Variants in SLC26A8 observed in about 807,000 individuals in gnomAD.
SLC26A8 encodes the protein testis anion transporter 1.
Under a neutral mutation model 105.0 loss-of-function variants are expected in SLC26A8, and 70 were observed. The observed-to-expected ratio is 0.67, with a 90% confidence interval of 0.55 to 0.81. The LOEUF (loss-of-function observed/expected upper bound fraction) is 0.81, where lower values mean the gene tolerates loss of function less well. Among genes scored for constraint, SLC26A8 ranks in the 40% least tolerant of loss-of-function variants. The pLI, the probability that SLC26A8 is intolerant of heterozygous loss-of-function variation, is 0.00. For synonymous variants in SLC26A8, 415 were observed against 438.3 expected (o/e 0.95, Z 0.66); for missense variants, 998 against 1,181.8 (o/e 0.84, Z 2.28).
At position 36,022,627 on chromosome 6, in the gene SLC26A8, C is replaced by T. The variant is rs148485645; in HGVS notation, c.-3+1877G>A. Among the ~76,000 whole-genome samples the T allele has an allele frequency of 6.8e-4, 103 of 152,202 alleles. 1 individual carries two copies. In the East Asian group the frequency reaches 0.016, roughly 24 times the overall value. On this transcript the variant is annotated intron_variant, in intron 1 of 19. Transcript: ENST00000490799. Reference sequence around the variant, plus strand: ...GATGTTATCAAGTCATAAACTCCTACGACCACAGTGAGGATGGCTAGGAGG... The same window carrying T: ...GATGTTATCAAGTCATAAACTCCTATGACCACAGTGAGGATGGCTAGGAGG...
chr6:35,985,302 G>C (rs1443018106), intron 7 of SLC26A8, among the ~76,000 whole-genome samples: 4 of 152,066 alleles, frequency 2.6e-5, no homozygotes, highest in African/African-American at 7.2e-5. Context: ...CCTTAACCTT[G>C]GCAAAATAAA....
At chr6:35,996,600 G>T (rs948515874) in intron 5 of SLC26A8, among the ~76,000 whole-genome samples, 2 of 152,088 alleles carry the variant, frequency 1.3e-5, no homozygotes, top group African/African-American at 4.8e-5. Flanking sequence ...AGGCTGGAGT[G>T]CAGTGGCATG....
chr6:35,957,785 T>C (rs533767899), intron 16 of SLC26A8, among the ~76,000 whole-genome samples: 1 of 152,226 alleles, frequency 6.6e-6, no homozygotes, highest in Non-Finnish European at 1.5e-5. Context: ...TTTGTATTTT[T>C]AGTAGAGACA....
At chr6:35,968,798 AC>A (rs1213535341) in intron 11 of SLC26A8, 78 bp downstream of exon 11, 115 of 38,204 alleles carry the variant, frequency 3.0e-3, no homozygotes, top group Middle Eastern at 0.012. Flanking sequence ...CCAGCCCCTT[AC>A]CCCCCGCACA....
In SLC26A8 at chr6:36,024,540, G is replaced by C. The variant is rs530686552; in HGVS notation, c.-39C>G. On this transcript the variant is annotated 5_prime_UTR_variant, in exon 1 of 20. The change creates a new upstream start codon in the 5' untranslated region. Transcript: ENST00000490799. The stretch of plus-strand genomic sequence containing the variant: ...GCGGGGGCGGGAGTGCGGGCGCTGG[G>C]ATCCCACACGGCTCTCGCCTGGCTG... The C allele has an allele frequency of 5.7e-5, 24 of 420,422 alleles. No homozygotes were observed. Among genetic ancestry groups the C allele is most frequent in the South Asian group, 4.0e-4 (24 of 59,332 alleles). The allele number at this position is 420,422 out of a possible 1,614,324, so 26.0% of individuals were successfully genotyped here. A position where few individuals can be genotyped will look rare whatever the true frequency, so the allele number is the denominator to read the frequency against.
At position 35,951,463 on chromosome 6, in the gene SLC26A8, G is replaced by T; in HGVS notation, c.2269C>A (p.Leu757Ile). 1 of 1,614,174 alleles carries T rather than the reference G, an allele frequency of 6.2e-7. No homozygotes were observed. The highest frequency in any genetic ancestry group is 8.5e-7 in the Non-Finnish European group (1 of 1,180,022). Residue 757 changes from leucine to isoleucine, a missense_variant, in exon 18 of 20, where the codon CTC becomes ATC. Leu to Ile is a conservative substitution (Grantham distance 5). Coordinates refer to ENST00000490799, the MANE Select transcript of SLC26A8 (RefSeq NM_052961.4). ...TACTCACAGTGACACCCTGCAATGAGTATCAAAATGTTGGCGTTTTGAAAG... is the reference window on the plus strand; with the variant it reads ...TACTCACAGTGACACCCTGCAATGATTATCAAAATGTTGGCGTTTTGAAAG... ...NAFQNANILI[L>I]IAGCHSSIVR... is the part of the protein sequence containing the mutation.
intron 5 of SLC26A8, among the ~76,000 whole-genome samples, chr6:35,995,952 T>A (rs1487741245): frequency 6.6e-6 from 1 of 152,220 alleles, no homozygotes; most frequent in Non-Finnish European, 1.5e-5. Flanking sequence ...AAACTATATA[T>A]TGTTTTTTAA....
intron 8 of SLC26A8, among the ~76,000 whole-genome samples, chr6:35,979,007 A>ATTTTTTTTTTTTT (rs34335766): frequency 1.0e-5 from 1 of 98,306 alleles, no homozygotes; most frequent in Non-Finnish European, 2.0e-5. Context: ...CACCTGGCTA[A>ATTTTTTTTTTTTT]TTTTTTTTTT....
At chr6:36,018,381 CATT>C (rs2127375725) in intron 2 of SLC26A8, among the ~76,000 whole-genome samples, 1 of 152,250 alleles carries the variant, frequency 6.6e-6, no homozygotes, top group Non-Finnish European at 1.5e-5. Context: ...ATCTTGAAAA[CATT>C]ATGCTAAGTG....
At chr6:36,008,006 G>A (rs1044824808) in intron 3 of SLC26A8, among the ~76,000 whole-genome samples, 8 of 151,920 alleles carry the variant, frequency 5.3e-5, no homozygotes, top group African/African-American at 1.9e-4. Context: ...TGTAGTCCCA[G>A]CTACTCGGGA....
At chr6:35,956,752 T>A (rs1054423327) in intron 16 of SLC26A8, among the ~76,000 whole-genome samples, 3 of 151,824 alleles carry the variant, frequency 2.0e-5, no homozygotes, top group African/African-American at 7.3e-5. Context: ...AAATTCCATC[T>A]CTACTAAAAA....
intron 7 of SLC26A8, among the ~76,000 whole-genome samples, chr6:35,987,902 C>A (rs1030030080): frequency 7.6e-6 from 1 of 131,158 alleles, no homozygotes; most frequent in Admixed American, 9.7e-5. Context: ...AATTCAGCAA[C>A]CTTTCTTTCT....
At chr6:36,022,308 T>C (rs1375882091) in intron 1 of SLC26A8, among the ~76,000 whole-genome samples, 1 of 152,164 alleles carries the variant, frequency 6.6e-6, no homozygotes, top group Non-Finnish European at 1.5e-5. Flanking sequence ...CGCACAGAGA[T>C]GCATTTTGGG....
intron 2 of SLC26A8, among the ~76,000 whole-genome samples, chr6:36,016,988 T>G (rs537324113): frequency 4.2e-4 from 64 of 151,614 alleles, no homozygotes; most frequent in Non-Finnish European, 7.4e-4. Flanking sequence ...CCTGACCAAT[T>G]TGATGAAACC....
intron 4 of SLC26A8, among the ~76,000 whole-genome samples, chr6:35,998,368 C>T (rs1188654941): frequency 6.6e-6 from 1 of 151,892 alleles, no homozygotes; most frequent in Non-Finnish European, 1.5e-5. Flanking sequence ...CGAGCCTGAC[C>T]AACATGGAGA....
At chr6:36,015,106 C>CTTTT (rs771966624) in intron 2 of SLC26A8, among the ~76,000 whole-genome samples, 1 of 127,030 alleles carries the variant, frequency 7.9e-6, no homozygotes, top group Non-Finnish European at 1.7e-5. Context: ...CAAAATTGTG[C>CTTTT]TTTTTTTTTT....
At chr6:36,003,607 C>T (rs1761589752) in intron 3 of SLC26A8, among the ~76,000 whole-genome samples, 1 of 152,192 alleles carries the variant, frequency 6.6e-6, no homozygotes, top group Non-Finnish European at 1.5e-5. Context: ...CCACCTCTCC[C>T]CACAGAAGGA....
chr6:35,971,821 C>T (rs1245366508), intron 10 of SLC26A8, among the ~76,000 whole-genome samples: 1 of 152,160 alleles, frequency 6.6e-6, no homozygotes, highest in Non-Finnish European at 1.5e-5. Context: ...ATTTTTAAAG[C>T]TGTTCGGGGA....
At chr6:35,955,668 G>A in intron 16 of SLC26A8, 148 bp from the exon 17 acceptor site, 1 of 1,040,490 alleles carries the variant, frequency 9.6e-7, no homozygotes, top group Non-Finnish European at 1.4e-6. Flanking sequence ...TTTTTTACTT[G>A]GATATCTGTC....
Sources: allele counts gnomAD v4.1 joint callset (sites outside exome capture counted in the v4.1 genomes callset), GRCh38; gene constraint gnomAD v4.1.1; transcripts MANE v1.5; gene names NCBI Gene and HGNC (gene_info 2026-07-23, HGNC 2026-07-21).